VCF1: variants seen among roughly 807,000 people sequenced by gnomAD.
VCF1 encodes the protein VCP nuclear cofactor family member 1.
chr17:73,209,722 C>A, the VCF1 span: 218 of 986,580 alleles, frequency 2.2e-4, no homozygotes, highest in African/African-American at 2.5e-3. Context: ...GCTATTGATG[C>A]TGCTGCTGCT....
the VCF1 span, among the ~76,000 whole-genome samples, chr17:73,223,056 G>A: frequency 1.3e-5 from 2 of 152,130 alleles, no homozygotes; most frequent in African/African-American, 2.4e-5. Context: ...GGTAGCTCAC[G>A]CCTGGAATCC....
the VCF1 span, among the ~76,000 whole-genome samples, chr17:73,222,931 T>C: frequency 1.3e-5 from 2 of 152,180 alleles, no homozygotes; most frequent in Non-Finnish European, 2.9e-5. Flanking sequence ...TGGGGCTCCG[T>C]TCCTCCTCTG....
chr17:73,208,900 G>T, the VCF1 span: 3 of 283,660 alleles, frequency 1.1e-5, no homozygotes, highest in South Asian at 3.6e-5. Context: ...CATTCTCTCT[G>T]GAAATACAAA....
the VCF1 span, among the ~76,000 whole-genome samples, chr17:73,226,665 A>C: frequency 6.6e-6 from 1 of 152,310 alleles, no homozygotes; most frequent in African/African-American, 2.4e-5. Flanking sequence ...CAGAACACCC[A>C]ACTCCCCTTC....
At chr17:73,228,101 C>G in the VCF1 span, among the ~76,000 whole-genome samples, 1 of 152,254 alleles carries the variant, frequency 6.6e-6, no homozygotes, top group Non-Finnish European at 1.5e-5. Context: ...GTCACAGCTG[C>G]CCTGTTTCTA....
chr17:73,207,403 G>A, the VCF1 span: 1 of 821,058 alleles, frequency 1.2e-6, no homozygotes, highest in Admixed American at 2.0e-5. Flanking sequence ...CAATAGAGAA[G>A]TACAAGGTTT....
the VCF1 span, chr17:73,227,618 A>G: frequency 1.0e-6 from 1 of 989,798 alleles, no homozygotes; most frequent in Non-Finnish European, 1.2e-6. Flanking sequence ...ACTCCCTGAA[A>G]TTAGGATTCC....
At chr17:73,228,453 A>G in the VCF1 span, among the ~76,000 whole-genome samples, 3 of 152,134 alleles carry the variant, frequency 2.0e-5, no homozygotes, top group Non-Finnish European at 2.9e-5. Flanking sequence ...ATAAATGATC[A>G]CCCTAAGCTC....
chr17:73,217,467 T>C, the VCF1 span, among the ~76,000 whole-genome samples: 3 of 151,558 alleles, frequency 2.0e-5, no homozygotes, highest in Non-Finnish European at 4.4e-5. Context: ...CTGGCCAACA[T>C]GGTGAAACCC....
chr17:73,223,155 T>C, the VCF1 span, among the ~76,000 whole-genome samples: 4 of 151,904 alleles, frequency 2.6e-5, no homozygotes, highest in Admixed American at 6.6e-5. Context: ...TTGCCTTTAC[T>C]AAAAATACAA....
the VCF1 span, among the ~76,000 whole-genome samples, chr17:73,211,234 C>A: frequency 1.3e-5 from 2 of 151,062 alleles, no homozygotes; most frequent in Non-Finnish European, 3.0e-5. Context: ...GGCAGGTGGA[C>A]TGCTTGAGTG....
At chr17:73,212,468 T>C in the VCF1 span, among the ~76,000 whole-genome samples, 252 of 150,290 alleles carry the variant, frequency 1.7e-3, 3 homozygotes, top group East Asian at 0.042. Flanking sequence ...GAAAGGATGA[T>C]AATGGGCCGG....
chr17:73,214,497 A>G, the VCF1 span, among the ~76,000 whole-genome samples: 1 of 152,226 alleles, frequency 6.6e-6, no homozygotes, highest in Non-Finnish European at 1.5e-5. Flanking sequence ...CAGCCACCAA[A>G]GTCATCTGCT....
chr17:73,208,074 G>T, the VCF1 span: 10 of 1,412,022 alleles, frequency 7.1e-6, no homozygotes, highest in African/African-American at 1.4e-5. Context: ...AGAAGTGCCT[G>T]TGTCTACCCT....
At chr17:73,224,051 A>C in the VCF1 span, among the ~76,000 whole-genome samples, 17 of 133,270 alleles carry the variant, frequency 1.3e-4, no homozygotes, top group Non-Finnish European at 2.0e-4. Context: ...GAAGAGAGGA[A>C]GGAGGGGAAG....
the VCF1 span, among the ~76,000 whole-genome samples, chr17:73,222,456 A>C: frequency 1.3e-5 from 2 of 152,134 alleles, no homozygotes; most frequent in African/African-American, 4.8e-5. Context: ...AAAGAGAAGG[A>C]AAATTGTTCT....
the VCF1 span, chr17:73,209,324 A>C: frequency 1.6e-6 from 1 of 642,876 alleles, no homozygotes; most frequent in South Asian, 2.0e-5. Flanking sequence ...TCCTATAAAA[A>C]ATTGCTTCAA....
chr17:73,217,550 T>G, the VCF1 span, among the ~76,000 whole-genome samples: 3 of 151,772 alleles, frequency 2.0e-5, no homozygotes, highest in African/African-American at 7.3e-5. Context: ...CTCGGGAGGC[T>G]AAGGCAGGAG....
chr17:73,209,546 C>G, the VCF1 span: 1 of 1,586,852 alleles, frequency 6.3e-7, no homozygotes, highest in Non-Finnish European at 8.6e-7. Context: ...AGAGGCCGCC[C>G]TCGGTGCTGT....
Sources: allele counts gnomAD v4.1 joint callset (sites outside exome capture counted in the v4.1 genomes callset), GRCh38; gene constraint gnomAD v4.1.1; transcripts MANE v1.5; gene names NCBI Gene and HGNC (gene_info 2026-07-23, HGNC 2026-07-21).